The following NT5DC4 variants were observed in gnomAD, a reference collection of about 807,000 sequenced individuals.
NT5DC4 encodes the protein 5'-nucleotidase domain containing 4.
In NT5DC4, 44 loss-of-function variants were observed where a neutral mutation model predicts 26.6. The ratio of observed to expected loss-of-function variants is 1.65; its 90% CI spans 1.30 to 2.13. The LOEUF is 2.13. Among genes scored for constraint, NT5DC4 ranks in the 30% most tolerant of loss-of-function variants. The pLI is 0.00. For missense variants in NT5DC4, 399 were observed against 228.1 expected (o/e 1.75, Z -4.83); for synonymous variants, 157 against 86.7 (o/e 1.81, Z -4.51).
chr2:112,728,102 G>T (rs1677991018), intron 15 of NT5DC4, among the ~76,000 whole-genome samples: 1 of 152,230 alleles, frequency 6.6e-6, no homozygotes, highest in African/African-American at 2.4e-5. Flanking sequence ...GACTCAGTGG[G>T]ATCACAGTCT....
At chr2:112,727,114 A>C (rs1455324396) in intron 15 of NT5DC4, 1 of 261,856 alleles carries the variant, frequency 3.8e-6, no homozygotes, top group South Asian at 5.2e-5. Context: ...AAAGAGAAGA[A>C]AAGACAGTGT....
chr2:112,722,378 C>A, intron 4 of NT5DC4, 100 bp downstream of exon 4: 1 of 711,482 alleles, frequency 1.4e-6, no homozygotes, highest in South Asian at 1.5e-5. Context: ...CGCAGGCCCA[C>A]GGTGGAGGCT....
chr2:112,721,763 C>G, intron 1 of NT5DC4, 55 bp from the exon 2 acceptor site: 1 of 717,036 alleles, frequency 1.4e-6, no homozygotes, highest in South Asian at 1.5e-5. Context: ...GTCCTTGGGC[C>G]TTGGATTCTG....
At position 112,722,757 on chromosome 2, in the gene NT5DC4, C is replaced by T. The variant is rs1297554094; in HGVS notation, c.513C>T (p.Cys171=). 2 of 717,506 alleles carry T rather than the reference C, an allele frequency of 2.8e-6. No homozygotes were observed. Among genetic ancestry groups the T allele is most frequent in the Non-Finnish European group, 5.2e-6 (2 of 385,130 alleles). The allele number at this position is 717,506 out of a possible 1,614,324, so 44.4% of individuals were successfully genotyped here. The change falls in exon 6 of 17, where the codon TGC becomes TGT. Residue 171 remains cysteine (C), a synonymous_variant. Transcript: ENST00000688554. The part of the protein sequence containing the change: ...YACLVDFFSG[C]SRYTNCDTGY... ...GCTTGGTGGACTTCTTCTCTGGCTG[C>T]TCCCGTTACACTAAGTGCGTCTTGT... is the stretch of plus-strand genomic sequence containing the variant.
chr2:112,738,132 GCCC>G (rs1246698520), intron 16 of NT5DC4: 1 of 151,626 alleles, frequency 6.6e-6, no homozygotes. Context: ...CCTCTCCCCT[GCCC>G]CCCTTTTGTT....
chr2:112,720,012 C>CCTTCCTTCTTTCCTTCCTTCCTTCCTT (rs777830717), upstream of NT5DC4, among the ~76,000 whole-genome samples: 3 of 97,636 alleles, frequency 3.1e-5, no homozygotes, highest in African/African-American at 1.5e-4. Context: ...CTTTTCTTTT[C>CCTTCCTTCTTTCCTTCCTTCCTTCCTT]CCTTCCTTCC....
chr2:112,736,393 A>T (rs995815299), intron 16 of NT5DC4, among the ~76,000 whole-genome samples: 2 of 152,232 alleles, frequency 1.3e-5, no homozygotes, highest in Admixed American at 1.3e-4. Flanking sequence ...AAGATTTACA[A>T]CATGATGTTA....
intron 2 of NT5DC4, 27 bp downstream of exon 2, chr2:112,721,918 T>G (rs1468106664): frequency 2.8e-6 from 2 of 717,366 alleles, no homozygotes; most frequent in Non-Finnish European, 5.2e-6. Context: ...CACAGCGTAT[T>G]GGGAGCTGGA....
At chr2:112,740,954 G>C, downstream of NT5DC4, 1 of 1,613,814 alleles carries the variant, frequency 6.2e-7, no homozygotes, top group Non-Finnish European at 8.5e-7. Flanking sequence ...TTCTTGGCCA[G>C]CTCTTCCACT....
chr2:112,742,507 T>C (rs1370229217), downstream of NT5DC4: 11 of 718,814 alleles, frequency 1.5e-5, no homozygotes, highest in Non-Finnish European at 2.6e-5. Context: ...ACAACCTTTG[T>C]TCAGTATTGA....
intron 16 of NT5DC4, among the ~76,000 whole-genome samples, chr2:112,734,376 A>G (rs895369288): frequency 4.6e-5 from 7 of 152,118 alleles, no homozygotes; most frequent in Admixed American, 3.3e-4. Flanking sequence ...GCTCTCTCCA[A>G]CTCTCAAGTT....
At chr2:112,737,723 T>C (rs543285323) in intron 16 of NT5DC4, 2 of 152,302 alleles carry the variant, frequency 1.3e-5, no homozygotes, top group African/African-American at 2.4e-5. Context: ...ATGAGGCTGA[T>C]AGACCTTTGA....
chr2:112,720,861 T>C (rs576038604), upstream of NT5DC4, among the ~76,000 whole-genome samples: 201 of 152,296 alleles, frequency 1.3e-3, 1 homozygote, highest in African/African-American at 4.3e-3. Context: ...TCTTCCTAGA[T>C]CCTTGCTGCT....
chr2:112,739,149 T>A, downstream of NT5DC4: 1 of 899,534 alleles, frequency 1.1e-6, no homozygotes, highest in Non-Finnish European at 1.7e-6. Context: ...GAAGACATTT[T>A]AACATAGGGT....
chr2:112,724,652 C>T (rs1264268539), intron 10 of NT5DC4, 129 bp from the exon 11 acceptor site: 3 of 632,048 alleles, frequency 4.7e-6, no homozygotes, highest in Admixed American at 2.4e-5. Context: ...AGACCGGGTT[C>T]CCAGGGGCTG....
chr2:112,738,796 A>G, intron 16 of NT5DC4, 117 bp from the exon 17 acceptor site: 2 of 1,459,440 alleles, frequency 1.4e-6, no homozygotes, highest in Non-Finnish European at 1.9e-6. Flanking sequence ...GTTCTGAAAC[A>G]CCTTTTTTAA....
chr2:112,722,346 A>AGAGG (rs921506684), intron 4 of NT5DC4, 68 bp downstream of exon 4: 13 of 713,954 alleles, frequency 1.8e-5, no homozygotes, highest in Non-Finnish European at 3.1e-5. Context: ...GGGGGAGGAC[A>AGAGG]GAGGGAGGGA....
chr2:112,720,784 C>G (rs1032511196), upstream of NT5DC4, among the ~76,000 whole-genome samples: 1 of 152,222 alleles, frequency 6.6e-6, no homozygotes, highest in Non-Finnish European at 1.5e-5. Flanking sequence ...CCGCTACTCT[C>G]CAGGCCGCTG....
At chr2:112,727,735 G>C (rs1677930681) in intron 15 of NT5DC4, among the ~76,000 whole-genome samples, 2 of 152,206 alleles carry the variant, frequency 1.3e-5, no homozygotes, top group South Asian at 2.1e-4. Flanking sequence ...CCCAGAAAGG[G>C]AGTAGGCCAG....
Sources: gnomAD v4.1 joint callset for allele counts (sites outside exome capture counted in the v4.1 genomes callset) on GRCh38, gnomAD v4.1.1 for gene constraint, MANE v1.5 for transcripts, NCBI Gene and HGNC (gene_info 2026-07-23, HGNC 2026-07-21) for gene names.